ZNF28: variants seen among roughly 807,000 people sequenced by gnomAD.
ZNF28 encodes zinc finger protein 28, also known as zinc finger protein KOX24.
A neutral mutation model predicts 7.2 loss-of-function variants in ZNF28; 5 were observed. That is an observed-to-expected ratio of 0.70 (90% CI 0.36 to 1.46). The LOEUF (loss-of-function observed/expected upper bound fraction) is 1.46, where lower values mean the gene tolerates loss of function less well. Ranked by LOEUF, ZNF28 falls within the 40% of genes most tolerant of loss-of-function variation. The pLI is 0.03. For synonymous variants in ZNF28, 288 were observed against 292.4 expected (o/e 0.99, Z 0.15); for missense variants, 879 against 866.6 (o/e 1.01, Z -0.18).
At position 52,799,286 on chromosome 19, in the gene ZNF28, T is replaced by C; in HGVS notation, c.*402A>G. On this transcript the variant is annotated 3_prime_UTR_variant, in exon 4 of 4. Coordinates refer to ENST00000457749, the MANE Select transcript of ZNF28 (RefSeq NM_006969.5). ...CACATTTGTAAGGTTTCTCTCCAGT[T>C]TGAATTCTAATATGTTTTGCCAGGT... The C allele has an allele frequency of 2.9e-6, 1 of 348,386 alleles. No individual in the cohort carries two copies. Among genetic ancestry groups the C allele is most frequent in the Non-Finnish European group, 5.6e-6 (1 of 177,788 alleles). The allele number at this position is 348,386 out of a possible 1,614,324, so 21.6% of individuals were successfully genotyped here. A position where few individuals can be genotyped will look rare whatever the true frequency, so the allele number is the denominator to read the frequency against.
intron 2 of ZNF28, among the ~76,000 whole-genome samples, chr19:52,817,105 G>T (rs1258196984): frequency 6.6e-6 from 1 of 151,680 alleles, no homozygotes; most frequent in Non-Finnish European, 1.5e-5. Flanking sequence ...AGGAACGGTG[G>T]CTCACGCTTG....
At chr19:52,806,659 T>G (rs2062940904) in intron 3 of ZNF28, among the ~76,000 whole-genome samples, 2 of 149,370 alleles carry the variant, frequency 1.3e-5, no homozygotes, top group Admixed American at 6.7e-5. Flanking sequence ...CCCAGTGTTT[T>G]GGGAATCTGA....
chr19:52,809,833 G>GCGGCGC, intron 2 of ZNF28: 2 of 557,974 alleles, frequency 3.6e-6, no homozygotes, highest in Non-Finnish European at 3.1e-6. Flanking sequence ...GGCGGCGGCG[G>GCGGCGC]CGGCGGTGGC....
rs2063199738 is a variant in ZNF28 at position 52,821,615 on chromosome 19, G to C, written c.-103C>G. ...CGCCGCGGCGTCACCGTCATTCCAC[G>C]GGATCCGCTTCCTGGTCTGCGCGAA... is the stretch of plus-strand genomic sequence containing the variant. On this transcript the variant is annotated 5_prime_UTR_variant, in exon 1 of 4. Transcript: ENST00000457749. 1 of 152,184 alleles carries C rather than the reference G, an allele frequency of 6.6e-6. No homozygotes were observed. The highest frequency in any genetic ancestry group is 2.4e-5 in the African/African-American group (1 of 41,436). The allele number at this position is 152,184 out of a possible 1,614,324, so 9.4% of individuals were successfully genotyped here. A position where few individuals can be genotyped will look rare whatever the true frequency, so the allele number is the denominator to read the frequency against.
Position 52,800,949 on chromosome 19 carries a change from T to C in ZNF28, c.896A>G (p.Tyr299Cys), listed in dbSNP as rs1488037768. 6 of 1,614,178 alleles carry C rather than the reference T, an allele frequency of 3.7e-6. No homozygotes were observed. Among genetic ancestry groups the C allele is most frequent in the Middle Eastern group, 1.6e-4 (1 of 6,062 alleles). ...AACTTTGTCACATTCTTCACATTCATAAGGTTTGTCTGCAGTATGAAGCGC... is the reference window on the plus strand; with the variant it reads ...AACTTTGTCACATTCTTCACATTCACAAGGTTTGTCTGCAGTATGAAGCGC... Reference protein sequence around the residue: ...HKALHTADKPYECEECDKVFS... With the variant: ...HKALHTADKPCECEECDKVFS... The change falls in exon 4 of 4, where the codon TAT (tyrosine) becomes TGT (cysteine). Residue 299 changes from tyrosine to cysteine, a missense_variant. Around this residue, in one of 2 missense-constraint regions of ZNF28, gnomAD observed 864 missense variants for 830.2 expected, o/e 1.04. Transcript: ENST00000457749.
At chr19:52,806,242 G>T (rs1217011143) in intron 3 of ZNF28, among the ~76,000 whole-genome samples, 1 of 152,022 alleles carries the variant, frequency 6.6e-6, no homozygotes, top group Non-Finnish European at 1.5e-5. Flanking sequence ...CTCCCATGCT[G>T]GAGTGCAACG....
intron 2 of ZNF28, among the ~76,000 whole-genome samples, chr19:52,812,255 C>G (rs1458820408): frequency 1.4e-4 from 20 of 139,002 alleles, no homozygotes; most frequent in African/African-American, 5.1e-4. Flanking sequence ...ACGACCCCGT[C>G]TGGGAGGTGT....
In ZNF28 at chr19:52,816,701, G is replaced by A. The variant is rs986084971; in HGVS notation, c.15+1243C>T. Among the ~76,000 whole-genome samples the A allele has an allele frequency of 1.2e-4, 14 of 120,724 alleles. 1 individual carries two copies. The South Asian group carries it at 2.3e-3, about 20-fold the overall frequency. The allele number at this position is 120,724 out of a possible 152,430, so 79.2% of individuals were successfully genotyped here. ...AAAAAAATTAGTTGGGGATGGTGGC[G>A]CGCACCTATAATCCCAGCTACTAGG... On this transcript the variant is annotated intron_variant, in intron 2 of 3. Transcript: ENST00000457749.
At position 52,801,815 on chromosome 19, in the gene ZNF28, T is replaced by G. The variant is rs575502862; in HGVS notation, c.143-113A>C. ...CTTATTTTAAACTTCCCAAACATGA[T>G]CTTCAAAGTTTAAGAACACAAAAGG... On this transcript the variant is annotated intron_variant, in intron 3 of 3. Coordinates refer to ENST00000457749, the MANE Select transcript of ZNF28 (RefSeq NM_006969.5). 4.7e-5 allele frequency: 49 copies of G among 1,032,492 alleles called. No homozygotes were observed. The African/African-American group carries it at 7.5e-4, about 16-fold the overall frequency. The allele number at this position is 1,032,492 out of a possible 1,614,324, so 64.0% of individuals were successfully genotyped here. A position where few individuals can be genotyped will look rare whatever the true frequency, so the allele number is the denominator to read the frequency against.
Position 52,800,857 on chromosome 19 carries a change from T to G in ZNF28, c.988A>C (p.Lys330Gln). The G allele has an allele frequency of 6.2e-7, 1 of 1,614,094 alleles. No individual in the cohort carries two copies. Among genetic ancestry groups the G allele is most frequent in the Non-Finnish European group, 8.5e-7 (1 of 1,179,972 alleles). The stretch of plus-strand genomic sequence containing the variant: ...CATGTGAAAGCTTTGTCACAAACCT[T>G]ACATTTGTATGGTTTCCCTCCAGTA... Reference protein sequence around the residue: ...IYTGGKPYKCKVCDKAFTCNS... With the variant: ...IYTGGKPYKCQVCDKAFTCNS... The change falls in exon 4 of 4, where the codon AAG becomes CAG. Residue 330 changes from lysine to glutamine, a missense_variant. By Grantham distance (53) the Lys-to-Gln change is moderately conservative. This residue lies in a region of ZNF28 where 864 missense variants were observed against 830.2 expected (regional missense o/e 1.04). Coordinates refer to ENST00000457749, the MANE Select transcript of ZNF28 (RefSeq NM_006969.5).
chr19:52,818,140 T>C (rs2063150468), intron 1 of ZNF28, 109 bp from the exon 2 acceptor site: 1 of 1,177,912 alleles, frequency 8.5e-7, no homozygotes, highest in Non-Finnish European at 1.2e-6. Flanking sequence ...TGGTCCCCTA[T>C]GCTGCCTACC....
At chr19:52,819,460 C>A (rs1244315731) in intron 1 of ZNF28, among the ~76,000 whole-genome samples, 1 of 118,434 alleles carries the variant, frequency 8.4e-6, no homozygotes, top group Non-Finnish European at 1.8e-5. Flanking sequence ...ACTGGGCACT[C>A]CCCTCTACCA....
intron 2 of ZNF28, among the ~76,000 whole-genome samples, chr19:52,813,245 T>G: frequency 5.6e-5 from 2 of 35,928 alleles, no homozygotes; most frequent in South Asian, 1.8e-3. Context: ...AAAACTTGAA[T>G]GGTGAAAAAA....
chr19:52,802,761 C>CTTT (rs11347464), intron 3 of ZNF28, among the ~76,000 whole-genome samples: 1 of 127,580 alleles, frequency 7.8e-6, no homozygotes, highest in Non-Finnish European at 1.7e-5. Flanking sequence ...CACGTTGTGA[C>CTTT]TTTTTTTTTT....
At position 52,818,040 on chromosome 19, in the gene ZNF28, T is replaced by G; in HGVS notation, c.-73-9A>C. On this transcript the variant is annotated splice_polypyrimidine_tract_variant and intron_variant, in intron 1 of 3. Coordinates refer to ENST00000457749, the MANE Select transcript of ZNF28 (RefSeq NM_006969.5). ...TTCTTTAGAAGTCAATCCTGAATGTTAAAAATATGTTGTTTATTGCTCAGA... is the reference window on the plus strand; with the variant it reads ...TTCTTTAGAAGTCAATCCTGAATGTGAAAAATATGTTGTTTATTGCTCAGA... 1 of 1,595,550 alleles carries G rather than the reference T, an allele frequency of 6.3e-7. No homozygotes were observed. The highest frequency in any genetic ancestry group is 1.1e-5 in the South Asian group (1 of 90,740).
At chr19:52,821,159 G>T in intron 1 of ZNF28, among the ~76,000 whole-genome samples, 1 of 151,356 alleles carries the variant, frequency 6.6e-6, no homozygotes, top group Non-Finnish European at 1.5e-5. Flanking sequence ...CTTCGGACAA[G>T]GGTGGGATCC....
intron 3 of ZNF28, among the ~76,000 whole-genome samples, chr19:52,802,993 C>A (rs959765717): frequency 6.6e-6 from 1 of 152,058 alleles, no homozygotes; most frequent in African/African-American, 2.4e-5. Flanking sequence ...GATCTCCTGA[C>A]CTTGTGATCC....
chr19:52,799,355 T>C lies in ZNF28; in HGVS notation c.*333A>G. 1.9e-6 allele frequency: 1 copy of C among 536,200 alleles called. No homozygotes were observed. The highest frequency in any genetic ancestry group is 3.4e-6 in the Non-Finnish European group (1 of 292,330). The allele number at this position is 536,200 out of a possible 1,614,324, so 33.2% of individuals were successfully genotyped here. A position where few individuals can be genotyped will look rare whatever the true frequency, so the allele number is the denominator to read the frequency against. ...TCTTGTCATAAACCTTACATCTGTG[T>C]GGTTTCTCTTCAGCATGCATTTTCT... On this transcript the variant is annotated 3_prime_UTR_variant, in exon 4 of 4. Transcript: ENST00000457749.
chr19:52,817,378 A>T (rs930510710), intron 2 of ZNF28, among the ~76,000 whole-genome samples: 3 of 152,172 alleles, frequency 2.0e-5, no homozygotes, highest in Non-Finnish European at 2.9e-5. Flanking sequence ...GCTTCAAAAA[A>T]AATAATAATA....
Sources: allele counts gnomAD v4.1 joint callset (sites outside exome capture counted in the v4.1 genomes callset), GRCh38; gene constraint gnomAD v4.1.1; regional missense constraint gnomAD v4.1.1; transcripts MANE v1.5; gene names NCBI Gene and HGNC (gene_info 2026-07-23, HGNC 2026-07-21).